The following PPRC1 variants were observed in gnomAD, a reference collection of about 807,000 sequenced individuals.
PPRC1 encodes PPARG related coactivator 1.
PPRC1 carries 23 observed loss-of-function variants against 132.5 expected under a neutral mutation model. That is an observed-to-expected ratio of 0.17 (90% CI 0.12 to 0.25). The LOEUF (loss-of-function observed/expected upper bound fraction) is 0.25. Ranked by LOEUF, PPRC1 falls within the 10% of genes least tolerant of loss-of-function variation. PPRC1 has a pLI of 1.00. For synonymous variants in PPRC1, 872 were observed against 833.5 expected (o/e 1.05, Z -0.80); for missense variants, 2,006 against 2,089.1 (o/e 0.96, Z 0.78).
In PPRC1 at chr10:102,146,790, A is replaced by G. The variant is rs1369469436; in HGVS notation, c.3798A>G (p.Glu1266=). The change falls in exon 9 of 14, where the codon GAA becomes GAG. Residue 1266 remains glutamate, a synonymous_variant. Transcript: ENST00000278070. ...CCCAGGAGGGAACCCTGAAGCCTGA[A>G]GGAGTTACGGAGGCCAAACATCCAG... ...STAQEGTLKP[E]GVTEAKHPAA... is the part of the protein sequence containing the mutation. 1 of 1,613,938 alleles carries G rather than the reference A, an allele frequency of 6.2e-7. No homozygotes were observed. The highest frequency in any genetic ancestry group is 8.5e-7 in the Non-Finnish European group (1 of 1,179,996).
intron 13 of PPRC1, among the ~76,000 whole-genome samples, 161 bp from the exon 14 acceptor site, chr10:102,149,765 G>A (rs1044503310): frequency 1.3e-5 from 2 of 151,254 alleles, no homozygotes; most frequent in East Asian, 1.9e-4. Flanking sequence ...GGGGTGGGAC[G>A]AGAGGAGAAA....
intron 6 of PPRC1, among the ~76,000 whole-genome samples, chr10:102,143,428 G>A (rs61874821): frequency 0.095 from 14,379 of 151,870 alleles, 967 homozygotes; most frequent in African/African-American, 0.19. Flanking sequence ...GTGAAACCCC[G>A]TATCTACTAA....
At chr10:102,121,018 CCCCTT>C in the PPRC1 span, among the ~76,000 whole-genome samples, 1 of 152,192 alleles carries the variant, frequency 6.6e-6, no homozygotes, top group Non-Finnish European at 1.5e-5. Flanking sequence ...CCTCAACTCA[CCCCTT>C]CCCTAAATTA....
At chr10:102,123,111 C>G in the PPRC1 span, among the ~76,000 whole-genome samples, 1 of 152,174 alleles carries the variant, frequency 6.6e-6, no homozygotes, top group Admixed American at 6.6e-5. Flanking sequence ...TAAGGAAATA[C>G]CATCTCAGTA....
At chr10:102,128,434 G>A (rs1339238494), upstream of PPRC1, among the ~76,000 whole-genome samples, 5 of 149,318 alleles carry the variant, frequency 3.3e-5, no homozygotes, top group Non-Finnish European at 6.0e-5. Context: ...ATGAGCCACC[G>A]CACCCCGCCC....
At chr10:102,147,518 T>C in intron 9 of PPRC1, 126 bp downstream of exon 9, 1 of 1,302,422 alleles carries the variant, frequency 7.7e-7, no homozygotes, top group Non-Finnish European at 1.0e-6. Flanking sequence ...TTTCTGACTT[T>C]GGCTTTTGTG....
intron 5 of PPRC1, among the ~76,000 whole-genome samples, chr10:102,142,528 C>T (rs537657509): frequency 1.3e-5 from 2 of 148,996 alleles, no homozygotes; most frequent in African/African-American, 2.5e-5. Flanking sequence ...AAGCGATTCT[C>T]CTGCCTCAGC....
chr10:102,144,238 G>T lies in PPRC1; in HGVS notation c.3551-12G>T, dbSNP rs1590348407. ...TCTGGTTGGGCTTTTAACTAGTATGGTTTCTTTGCAGCCAAAAAGGAGTGT... is the reference window on the plus strand; with the variant it reads ...TCTGGTTGGGCTTTTAACTAGTATGTTTTCTTTGCAGCCAAAAAGGAGTGT... On this transcript the variant is annotated splice_polypyrimidine_tract_variant and intron_variant, in intron 6 of 13. Coordinates refer to ENST00000278070, the MANE Select transcript of PPRC1 (RefSeq NM_015062.5). 1.9e-6 allele frequency: 3 copies of T among 1,614,104 alleles called. No individual in the cohort carries two copies. Among genetic ancestry groups the T allele is most frequent in the Non-Finnish European group, 2.5e-6 (3 of 1,179,954 alleles).
In PPRC1 at chr10:102,141,848, C is replaced by T. The variant is rs775410398; in HGVS notation, c.3340C>T (p.Pro1114Ser). Reference protein sequence around the residue: ...TQETRPREKPPLPATKAVPTP... With the variant: ...TQETRPREKPSLPATKAVPTP... ...AGAGACCAGGCCCAGGGAGAAGCCC[C>T]CCTTGCCTGCTACCAAGGCTGTTCC... The change falls in exon 5 of 14, where the codon CCC becomes TCC. Residue 1114 changes from proline (P) to serine (S), a missense_variant. By Grantham distance (74) the Pro-to-Ser change is moderately conservative (BLOSUM62 -1). Coordinates refer to ENST00000278070, the MANE Select transcript of PPRC1 (RefSeq NM_015062.5). The T allele has an allele frequency of 1.2e-6, 2 of 1,614,080 alleles. No homozygotes were observed. Among genetic ancestry groups the T allele is most frequent in the Admixed American group, 1.7e-5 (1 of 60,002 alleles).
intron 1 of PPRC1, among the ~76,000 whole-genome samples, chr10:102,133,655 G>T (rs529262465): frequency 6.6e-6 from 1 of 151,952 alleles, no homozygotes; most frequent in Non-Finnish European, 1.5e-5. Context: ...ACGTGGGTCG[G>T]GCTCCTGGTG....
chr10:102,146,907 C>G lies in PPRC1; in HGVS notation c.3915C>G (p.Pro1305=). 6.2e-7 allele frequency: 1 copy of G among 1,614,040 alleles called. No individual in the cohort carries two copies. The highest frequency in any genetic ancestry group is 8.5e-7 in the Non-Finnish European group (1 of 1,179,984). ...ACTATTGTGTCCGGAGCAGGACCCC[C>G]CCAAAAAAGATGCCTGCCCTAGTCA... ...DHDYCVRSRT[P]PKKMPALVIP... The change falls in exon 9 of 14, where the codon CCC becomes CCG. Residue 1305 remains proline (P), a synonymous_variant. Transcript: ENST00000278070.
chr10:102,139,732 C>T lies in PPRC1; in HGVS notation c.1224C>T (p.Cys408=). The change falls in exon 5 of 14, where the codon TGC becomes TGT. Residue 408 remains cysteine, a synonymous_variant. Coordinates refer to ENST00000278070, the MANE Select transcript of PPRC1 (RefSeq NM_015062.5). The part of the protein sequence containing the change: ...TEAAVPKVTL[C]SEKEGLSLNS... ...CTGCTGTGCCCAAGGTAACCCTCTGCTCTGAGAAAGAGGGGTTGTCATTGA... is the reference window on the plus strand; with the variant it reads ...CTGCTGTGCCCAAGGTAACCCTCTGTTCTGAGAAAGAGGGGTTGTCATTGA... 1 of 1,614,162 alleles carries T rather than the reference C, an allele frequency of 6.2e-7. No individual in the cohort carries two copies. The highest frequency in any genetic ancestry group is 8.5e-7 in the Non-Finnish European group (1 of 1,180,048).
Position 102,141,561 on chromosome 10 carries a change from C to T in PPRC1, c.3053C>T (p.Ser1018Phe). 1.9e-6 allele frequency: 3 copies of T among 1,614,078 alleles called. No individual in the cohort carries two copies. Among genetic ancestry groups the T allele is most frequent in the Non-Finnish European group, 2.5e-6 (3 of 1,179,980 alleles). Residue 1018 changes from serine (S) to phenylalanine (F), a missense_variant, in exon 5 of 14, where the codon TCT (serine) becomes TTT (phenylalanine). Coordinates refer to ENST00000278070, the MANE Select transcript of PPRC1 (RefSeq NM_015062.5). ...GRAVPQPKME[S>F]RGTPAGPPEN... The stretch of plus-strand genomic sequence containing the variant: ...GCTGTTCCCCAACCTAAAATGGAGT[C>T]TAGGGGCACTCCAGCTGGCCCTCCT...
In PPRC1 at chr10:102,147,109, T is replaced by C. The variant is rs1406988010; in HGVS notation, c.4117T>C (p.Ser1373Pro). Residue 1373 changes from serine (S) to proline (P), a missense_variant, in exon 9 of 14, where the codon TCC (serine) becomes CCC (proline). By Grantham distance (74) the Ser-to-Pro change is moderately conservative. Around this residue, in one of 2 missense-constraint regions of PPRC1, gnomAD observed 1,914 missense variants for 1,917.2 expected, o/e 1.00. Coordinates refer to ENST00000278070, the MANE Select transcript of PPRC1 (RefSeq NM_015062.5). ...TCCCTCAGCACCCTGCCTTGCCCCA[T>C]CCAGCTTGCTGTCCCCTGAGGCCTC... ...ADPSAPCLAPSSLLSPEASPC... is the reference protein window; with the variant it reads ...ADPSAPCLAPPSLLSPEASPC... 1 of 1,614,100 alleles carries C rather than the reference T, an allele frequency of 6.2e-7. No individual in the cohort carries two copies. The highest frequency in any genetic ancestry group is 8.5e-7 in the Non-Finnish European group (1 of 1,180,020).
In PPRC1 at chr10:102,140,189, C is replaced by G. The variant is rs768724190; in HGVS notation, c.1681C>G (p.Leu561Val). 4.7e-5 allele frequency: 76 copies of G among 1,614,114 alleles called. No individual in the cohort carries two copies. Among genetic ancestry groups the G allele is most frequent in the Non-Finnish European group, 5.8e-5 (69 of 1,180,056 alleles). The change falls in exon 5 of 14, where the codon CTG (leucine) becomes GTG (valine). Residue 561 changes from leucine (L) to valine (V), a missense_variant. This residue lies in a region of PPRC1 where 1,914 missense variants were observed against 1,917.2 expected (regional missense o/e 1.00). Transcript: ENST00000278070. ...AGGCCCTCTAGACCTCTACCCAAAG[C>G]TGGCTGACACTATCCAAACCAATCC... ...KEGPLDLYPK[L>V]ADTIQTNPIP... is the part of the protein sequence containing the mutation.
intron 7 of PPRC1, chr10:102,144,566 G>T (rs2069135773): frequency 9.2e-6 from 5 of 544,914 alleles, no homozygotes; most frequent in Non-Finnish European, 1.6e-5. Context: ...TTTATCTCCT[G>T]GCAAGTCATA....
upstream of PPRC1, among the ~76,000 whole-genome samples, chr10:102,129,820 G>A (rs60422394): frequency 0.09 from 13,707 of 152,060 alleles, 852 homozygotes; most frequent in African/African-American, 0.18. Flanking sequence ...GGCCAGGCTG[G>A]TCTTGAATTC....
intron 1 of PPRC1, among the ~76,000 whole-genome samples, chr10:102,137,144 GC>G (rs2068756084): frequency 1.3e-5 from 2 of 152,272 alleles, no homozygotes; most frequent in South Asian, 4.1e-4. Context: ...TTTGAGACCA[GC>G]CTGGCCAATA....
Position 102,140,338 on chromosome 10 carries a change from G to C in PPRC1, c.1830G>C (p.Gly610=). ...VLAGPVPVDP[G]LVDLASTSSE... ...CTGGCCCTGTACCTGTTGACCCTGG[G>C]TTGGTTGACCTTGCTTCAACCAGCT... Residue 610 remains glycine (G), a synonymous_variant, in exon 5 of 14, where the codon GGG becomes GGC. Coordinates refer to ENST00000278070, the MANE Select transcript of PPRC1 (RefSeq NM_015062.5). 6.2e-7 allele frequency: 1 copy of C among 1,614,180 alleles called. No individual in the cohort carries two copies.
Sources: allele counts gnomAD v4.1 joint callset (sites outside exome capture counted in the v4.1 genomes callset), GRCh38; gene constraint gnomAD v4.1.1; regional missense constraint gnomAD v4.1.1; transcripts MANE v1.5; gene names NCBI Gene and HGNC (gene_info 2026-07-23, HGNC 2026-07-21).